MAP2K5: variants seen among roughly 807,000 people sequenced by gnomAD.
MAP2K5 encodes mitogen-activated protein kinase kinase 5.
Under a neutral mutation model 83.1 loss-of-function variants are expected in MAP2K5, and 49 were observed. That is an observed-to-expected ratio of 0.59 (90% CI 0.47 to 0.75). MAP2K5 has a LOEUF of 0.75. Among genes scored for constraint, MAP2K5 ranks in the 30% least tolerant of loss-of-function variants. MAP2K5 has a pLI of 0.00. For synonymous variants in MAP2K5, 202 were observed against 191.8 expected, an observed-to-expected ratio of 1.05 and a Z score of -0.44; for missense variants, 457 against 557.5, an observed-to-expected ratio of 0.82 and a Z score of 1.82.
chr15:67,698,204 T>C lies in MAP2K5; in HGVS notation c.972+4636T>C, dbSNP rs544699672. ...TTTCAGAAATTCTTTATTTTTTTTT[T>C]CTTGAGATGAAGTCTCACCCTGTCC... On this transcript the variant is annotated intron_variant, in intron 15 of 21. Transcript: ENST00000178640. This position sits in a 1 kb window ranked among gnomAD's most constrained non-coding sequence, Gnocchi z 4.5. Among the ~76,000 whole-genome samples, 1 of 152,236 alleles carries C rather than the reference T, an allele frequency of 6.6e-6. No homozygotes were observed. Among genetic ancestry groups the C allele is most frequent in the Admixed American group, 6.5e-5 (1 of 15,282 alleles).
intron 8 of MAP2K5, among the ~76,000 whole-genome samples, chr15:67,623,342 A>G (rs1001228332): frequency 6.6e-6 from 1 of 152,244 alleles, no homozygotes; most frequent in Non-Finnish European, 1.5e-5. Context: ...GGAACATGGT[A>G]TATCCATACC....
intron 7 of MAP2K5, among the ~76,000 whole-genome samples, chr15:67,595,413 T>C (rs922155564): frequency 6.6e-6 from 1 of 152,234 alleles, no homozygotes; most frequent in Non-Finnish European, 1.5e-5. Flanking sequence ...TCTGAAACCA[T>C]TATTGCTTCG....
At position 67,550,149 on chromosome 15, in the gene MAP2K5, TG is replaced by T. The variant is rs1167958021; in HGVS notation, c.184+69del. 4.3e-5 allele frequency: 54 copies of T among 1,257,756 alleles called. No homozygotes were observed. In the East Asian group the frequency reaches 1.1e-3, roughly 25 times the overall value. The allele number at this position is 1,257,756 out of a possible 1,614,324, so 77.9% of individuals were successfully genotyped here. The stretch of plus-strand genomic sequence containing the variant: ...AGTCATTTTTTAAAGGGTTTATGGG[TG>T]GCATTACTTTAGAAACTGACAAAAA... On this transcript the variant is annotated intron_variant, in intron 2 of 21. Transcript: ENST00000178640.
chr15:67,789,552 A>G (rs1048910111), intron 21 of MAP2K5, among the ~76,000 whole-genome samples: 12 of 152,110 alleles, frequency 7.9e-5, no homozygotes, highest in Admixed American at 7.9e-4. Context: ...TGTCTCTACT[A>G]AAAATACAAA....
chr15:67,701,055 A>G (rs1448640140), intron 15 of MAP2K5, among the ~76,000 whole-genome samples: 1 of 151,994 alleles, frequency 6.6e-6, no homozygotes. Flanking sequence ...AATATTTTGT[A>G]TGTGGGTTCC....
Position 67,693,568 on chromosome 15 carries a change from G to A in MAP2K5, c.972G>A (p.Ala324=), listed in dbSNP as rs768021760. Residue 324 remains alanine, a splice_region_variant and synonymous_variant, in exon 15 of 22, where the codon GCG becomes GCA. Transcript: ENST00000178640. The part of the protein sequence containing the change: ...KTYVGTNAYM[A]PERISGEQYG... ...ATGTTGGAACAAATGCTTATATGGC[G>A]GTAAGTAAACTTATGCAAAAATAAT... is the stretch of plus-strand genomic sequence containing the variant. The A allele has an allele frequency of 1.6e-5, 25 of 1,608,942 alleles. No individual in the cohort carries two copies. Among genetic ancestry groups the A allele is most frequent in the Admixed American group, 5.0e-5 (3 of 59,806 alleles).
chr15:67,670,942 G>A (rs2087517682), intron 13 of MAP2K5, among the ~76,000 whole-genome samples: 1 of 152,198 alleles, frequency 6.6e-6, no homozygotes, highest in South Asian at 2.1e-4. Flanking sequence ...CGTATCTGCA[G>A]AGCTGACTTA....
chr15:67,748,425 C>A lies in MAP2K5; in HGVS notation c.1102-144C>A. On this transcript the variant is annotated intron_variant, in intron 18 of 21. Transcript: ENST00000178640. The surrounding 1 kb of genome is among the most constrained non-coding windows in gnomAD (Gnocchi z 4.0). ...GTACCATTAGAAATAATAGAACCTC[C>A]TGAGCATCAATGTTTTTATAAGAGT... 1.2e-6 allele frequency: 1 copy of A among 829,894 alleles called. No homozygotes were observed. The allele number at this position is 829,894 out of a possible 1,614,324, so 51.4% of individuals were successfully genotyped here.
intron 9 of MAP2K5, among the ~76,000 whole-genome samples, chr15:67,645,674 C>T (rs2086815637): frequency 1.3e-5 from 2 of 151,886 alleles, no homozygotes; most frequent in Admixed American, 6.6e-5. Flanking sequence ...CCACCTCAGC[C>T]TCCCAAGTAG....
chr15:67,766,659 G>A (rs138592208), intron 19 of MAP2K5, among the ~76,000 whole-genome samples: 5 of 152,138 alleles, frequency 3.3e-5, no homozygotes, highest in Admixed American at 6.5e-5. Flanking sequence ...AAATAGGCAG[G>A]TTCTTGGAGA....
chr15:67,555,444 C>CTTTTCAACATGAGA lies in MAP2K5; in HGVS notation c.184+5365_184+5366insTCAACATGAGATTT, dbSNP rs59206402. Among the ~76,000 whole-genome samples, 25,057 of 152,138 alleles carry CTTTTCAACATGAGA rather than the reference C, an allele frequency of 0.16. 2,858 individuals are homozygous for CTTTTCAACATGAGA. Among genetic ancestry groups the CTTTTCAACATGAGA allele is most frequent in the African/African-American group, 0.32 (13,209 of 41,480 alleles). Reference sequence around the variant, plus strand: ...GCCCCGCCTGCAACATTGGGGATCACTTTGGAGGGGACAAATATTCAAACC... The same window carrying CTTTTCAACATGAGA: ...GCCCCGCCTGCAACATTGGGGATCACTTTTCAACATGAGATTTGGAGGGGACAAATATTCAAACC... On this transcript the variant is annotated intron_variant, in intron 2 of 21. Coordinates refer to ENST00000178640, the MANE Select transcript of MAP2K5 (RefSeq NM_145160.3). The surrounding 1 kb of genome is among the most constrained non-coding windows in gnomAD (Gnocchi z 5.2).
At chr15:67,588,559 A>G (rs1024237960) in intron 6 of MAP2K5, among the ~76,000 whole-genome samples, 1 of 152,224 alleles carries the variant, frequency 6.6e-6, no homozygotes, top group African/African-American at 2.4e-5. Flanking sequence ...CAAAGTTCCA[A>G]TTCCCAGCAT....
chr15:67,615,107 C>G (rs1394009142), intron 8 of MAP2K5, among the ~76,000 whole-genome samples: 1 of 152,050 alleles, frequency 6.6e-6, no homozygotes, highest in East Asian at 1.9e-4. Flanking sequence ...AAGTGATTCT[C>G]CTGCCTCAGC....
At position 67,674,046 on chromosome 15, in the gene MAP2K5, A is replaced by T. The variant is rs186454363; in HGVS notation, c.847+9401A>T. 1.1e-3 allele frequency among the ~76,000 whole-genome samples: 165 copies of T among 152,162 alleles called. 1 individual carries two copies. The highest frequency in any genetic ancestry group is 2.0e-3 in the Non-Finnish European group (138 of 67,966). ...GTATTTTTAGTAGAGACAGGGTTTC[A>T]CCATGTTAGCCAGGCTGGTCTCGAT... On this transcript the variant is annotated intron_variant, in intron 13 of 21. Coordinates refer to ENST00000178640, the MANE Select transcript of MAP2K5 (RefSeq NM_145160.3).
intron 6 of MAP2K5, among the ~76,000 whole-genome samples, chr15:67,591,017 A>G (rs943554756): frequency 5.9e-5 from 9 of 152,062 alleles, no homozygotes; most frequent in South Asian, 2.1e-4. Flanking sequence ...GACAACTAGC[A>G]TGGGTAGGTA....
rs185539832 is a variant in MAP2K5, at chr15:67,636,697, T to C, written c.585+5770T>C. Among the ~76,000 whole-genome samples, 1 of 152,296 alleles carries C rather than the reference T, an allele frequency of 6.6e-6. No individual in the cohort carries two copies. Among genetic ancestry groups the C allele is most frequent in the Admixed American group, 6.5e-5 (1 of 15,302 alleles). On this transcript the variant is annotated intron_variant, in intron 9 of 21. Coordinates refer to ENST00000178640, the MANE Select transcript of MAP2K5 (RefSeq NM_145160.3). The surrounding 1 kb of genome is among the most constrained non-coding windows in gnomAD (Gnocchi z 4.7). ...CATGTGGCATGGGTGCTATTTTTGC[T>C]CTGCTATAAATATTTTTGAACTTTA...
intron 14 of MAP2K5, among the ~76,000 whole-genome samples, chr15:67,692,856 G>A (rs1200534445): frequency 1.3e-5 from 2 of 152,232 alleles, no homozygotes; most frequent in African/African-American, 2.4e-5. Flanking sequence ...AGGGAGGGCA[G>A]AGTGGGAGCT....
chr15:67,806,302 G>A (rs541594598), intron 21 of MAP2K5, among the ~76,000 whole-genome samples: 10 of 152,374 alleles, frequency 6.6e-5, no homozygotes, highest in South Asian at 6.2e-4. Flanking sequence ...CTGACTGGCC[G>A]TGCGAGTGAT....
rs975776901 is a variant in MAP2K5 at position 67,781,194 on chromosome 15, G to A, written c.1242+8442G>A. Among the ~76,000 whole-genome samples, 3 of 152,214 alleles carry A rather than the reference G, an allele frequency of 2.0e-5. No homozygotes were observed. The highest frequency in any genetic ancestry group is 7.2e-5 in the African/African-American group (3 of 41,458). On this transcript the variant is annotated intron_variant, in intron 21 of 21. Coordinates refer to ENST00000178640, the MANE Select transcript of MAP2K5 (RefSeq NM_145160.3). This position sits in a 1 kb window ranked among gnomAD's most constrained non-coding sequence, Gnocchi z 4.0. ...TCCCTGGGATTTGGGAATTGCTGTT[G>A]AAGGTAGCAAAGTTGTTTTCCTGTG...
Sources: gnomAD v4.1 joint callset for allele counts (sites outside exome capture counted in the v4.1 genomes callset) on GRCh38, gnomAD v4.1.1 for gene constraint, Gnocchi (gnomAD v3.1) non-coding constraint, MANE v1.5 for transcripts, NCBI Gene and HGNC (gene_info 2026-07-23, HGNC 2026-07-21) for gene names.